The following DSCAM variants were observed in gnomAD, a reference collection of about 807,000 sequenced individuals.
DSCAM encodes DS cell adhesion molecule.
Under a neutral mutation model 217.7 loss-of-function variants are expected in DSCAM, and 47 were observed. That is an observed-to-expected ratio of 0.22 (90% CI 0.17 to 0.28). The LOEUF is 0.28. DSCAM is among the 10% of genes least tolerant of loss of function. DSCAM has a pLI of 1.00. For synonymous variants in DSCAM, 1,056 were observed against 1,015.3 expected (o/e 1.04, Z -0.76); for missense variants, 2,080 against 2,618.3 (o/e 0.79, Z 4.49).
intron 11 of DSCAM, among the ~76,000 whole-genome samples, chr21:40,203,304 T>C (rs2091090152): frequency 6.6e-6 from 1 of 152,266 alleles, no homozygotes; most frequent in Non-Finnish European, 1.5e-5. Flanking sequence ...CATACATGTA[T>C]AGTACCTGTT....
rs565204899 is a variant in DSCAM, at chr21:40,715,696, T to C, written c.44-6925A>G. On this transcript the variant is annotated intron_variant, in intron 1 of 32. Coordinates refer to ENST00000400454, the MANE Select transcript of DSCAM (RefSeq NM_001389.5). ...AAAAATGCTGATAGTAGCACTGTAATTTTACATTTGAGCTTTCCAAGAAAC... is the reference window on the plus strand; with the variant it reads ...AAAAATGCTGATAGTAGCACTGTAACTTTACATTTGAGCTTTCCAAGAAAC... Among the ~76,000 whole-genome samples, 51 of 152,300 alleles carry C rather than the reference T, an allele frequency of 3.3e-4. No homozygotes were observed. The South Asian group carries it at 3.5e-3, about 11-fold the overall frequency.
At chr21:40,505,097 G>C (rs547316685) in intron 3 of DSCAM, among the ~76,000 whole-genome samples, 10 of 152,290 alleles carry the variant, frequency 6.6e-5, no homozygotes, top group African/African-American at 2.2e-4. Flanking sequence ...CCTCCTGGTT[G>C]CCCATTTTTC....
chr21:40,388,146 C>CAG (rs34753417), intron 3 of DSCAM, among the ~76,000 whole-genome samples: 104,408 of 151,834 alleles, frequency 0.69, 36,746 homozygotes, highest in African/African-American at 0.83. Flanking sequence ...TAAGAACCGA[C>CAG]AGTTTGCCAA....
At chr21:40,321,246 T>C (rs1160505547) in intron 8 of DSCAM, among the ~76,000 whole-genome samples, 1 of 152,160 alleles carries the variant, frequency 6.6e-6, no homozygotes, top group Non-Finnish European at 1.5e-5. Flanking sequence ...ACTCCTAATC[T>C]AAATTTTCAA....
chr21:40,798,078 G>A (rs991899), intron 1 of DSCAM, among the ~76,000 whole-genome samples: 17,860 of 151,952 alleles, frequency 0.12, 1,231 homozygotes, highest in East Asian at 0.22. Flanking sequence ...GCCTGGAGCC[G>A]CTTTAAGATG....
chr21:40,308,751 A>T (rs2123482572), intron 9 of DSCAM, among the ~76,000 whole-genome samples: 1 of 152,270 alleles, frequency 6.6e-6, no homozygotes, highest in African/African-American at 2.4e-5. Flanking sequence ...TATATATATT[A>T]GACCAATTTT....
At chr21:40,119,410 A>G (rs2090007625) in intron 20 of DSCAM, among the ~76,000 whole-genome samples, 1 of 152,200 alleles carries the variant, frequency 6.6e-6, no homozygotes, top group African/African-American at 2.4e-5. Flanking sequence ...GGCACATTGA[A>G]TGCGAAGTAC....
chr21:40,433,098 C>A (rs562987361), intron 3 of DSCAM, among the ~76,000 whole-genome samples: 1 of 152,228 alleles, frequency 6.6e-6, no homozygotes, highest in East Asian at 1.9e-4. Flanking sequence ...GTAGCTCACG[C>A]CTGTAATCCC....
At chr21:40,510,647 C>T (rs896877833) in intron 3 of DSCAM, among the ~76,000 whole-genome samples, 1 of 152,188 alleles carries the variant, frequency 6.6e-6, no homozygotes, top group African/African-American at 2.4e-5. Context: ...CAGAGCTGTC[C>T]TTTTTCATTG....
At chr21:40,635,765 T>A (rs1217675518) in intron 3 of DSCAM, among the ~76,000 whole-genome samples, 3 of 152,220 alleles carry the variant, frequency 2.0e-5, no homozygotes, top group Non-Finnish European at 4.4e-5. Flanking sequence ...AAATAAATTA[T>A]CACAATTTTC....
intron 3 of DSCAM, among the ~76,000 whole-genome samples, chr21:40,632,500 G>A (rs1473228293): frequency 2.0e-5 from 3 of 152,110 alleles, no homozygotes; most frequent in African/African-American, 7.2e-5. Flanking sequence ...ACTCAGTAAC[G>A]AGGTAAAACA....
At chr21:40,517,805 G>A (rs996714931) in intron 3 of DSCAM, among the ~76,000 whole-genome samples, 7 of 152,138 alleles carry the variant, frequency 4.6e-5, no homozygotes, top group Non-Finnish European at 2.9e-5. Context: ...TCTTGAGGTG[G>A]CAGGAGGAAA....
chr21:40,085,479 G>T, intron 23 of DSCAM, 123 bp downstream of exon 23: 1 of 873,662 alleles, frequency 1.1e-6, no homozygotes, highest in Non-Finnish European at 1.6e-6. Context: ...TTCTTTTTCT[G>T]TAATATGGAA....
chr21:40,115,596 C>T lies in DSCAM; in HGVS notation c.3696+8599G>A, dbSNP rs148085513. ...AAAAAAGAAATGCAAATCAAAACCA[C>T]GATGAGATATCATCTCACACCAGGC... On this transcript the variant is annotated intron_variant, in intron 20 of 32. Coordinates refer to ENST00000400454, the MANE Select transcript of DSCAM (RefSeq NM_001389.5). Among the ~76,000 whole-genome samples, 899 of 152,154 alleles carry T rather than the reference C, an allele frequency of 5.9e-3. 8 individuals carry two copies. The highest frequency in any genetic ancestry group is 0.021 in the African/African-American group (853 of 41,524).
chr21:40,644,097 A>C (rs534337079), intron 3 of DSCAM, among the ~76,000 whole-genome samples: 1 of 152,310 alleles, frequency 6.6e-6, no homozygotes, highest in Admixed American at 6.5e-5. Flanking sequence ...GAGATTCAGA[A>C]TGTGGGTGAC....
At chr21:40,399,492 C>G (rs911598200) in intron 3 of DSCAM, among the ~76,000 whole-genome samples, 1 of 152,156 alleles carries the variant, frequency 6.6e-6, no homozygotes, top group African/African-American at 2.4e-5. Flanking sequence ...TGTGTGCATG[C>G]TATCTGATTT....
chr21:40,355,532 A>G (rs775701860), intron 4 of DSCAM, among the ~76,000 whole-genome samples: 5 of 152,234 alleles, frequency 3.3e-5, no homozygotes, highest in Non-Finnish European at 5.9e-5. Flanking sequence ...TATGAAGAAT[A>G]TAAAATACAG....
At chr21:40,337,039 T>G (rs2074436131) in intron 8 of DSCAM, among the ~76,000 whole-genome samples, 1 of 152,192 alleles carries the variant, frequency 6.6e-6, no homozygotes, top group Non-Finnish European at 1.5e-5. Flanking sequence ...ACAATACATA[T>G]TCTATAATAT....
At chr21:40,734,252 G>C (rs1047739518) in intron 1 of DSCAM, among the ~76,000 whole-genome samples, 1 of 152,058 alleles carries the variant, frequency 6.6e-6, no homozygotes, top group Non-Finnish European at 1.5e-5. Context: ...CACTTTAACA[G>C]CATCTACAGA....
Sources: gnomAD v4.1 joint callset for allele counts (sites outside exome capture counted in the v4.1 genomes callset) on GRCh38, gnomAD v4.1.1 for gene constraint, MANE v1.5 for transcripts, NCBI Gene and HGNC (gene_info 2026-07-23, HGNC 2026-07-21) for gene names.